HS3ST4: variants seen among roughly 807,000 people sequenced by gnomAD.
The protein encoded by HS3ST4 is heparan sulfate-glucosamine 3-sulfotransferase 4.
A neutral mutation model predicts 29.2 loss-of-function variants in HS3ST4; 17 were observed. The ratio of observed to expected loss-of-function variants is 0.58; its 90% confidence interval spans 0.40 to 0.87. The LOEUF is 0.87. Ranked by LOEUF, HS3ST4 falls within the 40% of genes least tolerant of loss-of-function variation. The pLI is 0.00. For synonymous variants in HS3ST4, 314 were observed against 285.7 expected (o/e 1.10, Z -1.00); for missense variants, 627 against 634.5 (o/e 0.99, Z 0.13).
At chr16:25,745,452 G>A (rs1435203433) in intron 1 of HS3ST4, among the ~76,000 whole-genome samples, 1 of 152,164 alleles carries the variant, frequency 6.6e-6, no homozygotes, top group Non-Finnish European at 1.5e-5. Flanking sequence ...GACCATCCTT[G>A]TTAGATTTGC....
intron 1 of HS3ST4, among the ~76,000 whole-genome samples, chr16:25,961,179 A>C (rs1968789710): frequency 6.6e-6 from 1 of 152,336 alleles, no homozygotes; most frequent in Admixed American, 6.5e-5. Context: ...TACGGTAGCC[A>C]CAACCAACAG....
chr16:25,986,906 T>C (rs368968154), intron 1 of HS3ST4, among the ~76,000 whole-genome samples: 1 of 152,256 alleles, frequency 6.6e-6, no homozygotes, highest in Non-Finnish European at 1.5e-5. Context: ...GGCTTGGCAA[T>C]TACATTTCAT....
intron 1 of HS3ST4, among the ~76,000 whole-genome samples, chr16:26,107,654 C>T (rs1206930034): frequency 6.6e-6 from 1 of 152,170 alleles, no homozygotes; most frequent in Non-Finnish European, 1.5e-5. Context: ...TTTGGTTTTC[C>T]ATTCTTCAGT....
At chr16:25,767,734 G>A (rs1204731296) in intron 1 of HS3ST4, among the ~76,000 whole-genome samples, 1 of 152,160 alleles carries the variant, frequency 6.6e-6, no homozygotes, top group Non-Finnish European at 1.5e-5. Context: ...ACTCAGCCAT[G>A]TCTGGCACAT....
intron 1 of HS3ST4, among the ~76,000 whole-genome samples, chr16:25,958,884 A>C (rs1308995360): frequency 6.6e-6 from 1 of 152,192 alleles, no homozygotes; most frequent in African/African-American, 2.4e-5. Context: ...ACAAAAGCAG[A>C]TGGTGCCAAG....
intron 1 of HS3ST4, among the ~76,000 whole-genome samples, chr16:25,709,338 G>C (rs542730007): frequency 6.6e-6 from 1 of 152,232 alleles, no homozygotes; most frequent in Admixed American, 6.5e-5. Flanking sequence ...TCCATCAAGC[G>C]GTTTCTGTTG....
rs144133358 is a variant in HS3ST4, at chr16:26,034,785, A to G, written c.735-100827A>G. 2.5e-3 allele frequency among the ~76,000 whole-genome samples: 385 copies of G among 152,250 alleles called. 3 individuals carry two copies. The highest frequency in any genetic ancestry group is 8.9e-3 in the African/African-American group (371 of 41,538). On this transcript the variant is annotated intron_variant, in intron 1 of 1. Coordinates refer to ENST00000331351, the MANE Select transcript of HS3ST4 (RefSeq NM_006040.3). ...TGAGTTCAAGACCAGCCTGGGCAAC[A>G]TAGCAAGACTCCATAACTACAAACA...
At chr16:25,768,936 A>T (rs1966837885) in intron 1 of HS3ST4, among the ~76,000 whole-genome samples, 1 of 152,074 alleles carries the variant, frequency 6.6e-6, no homozygotes, top group Non-Finnish European at 1.5e-5. Context: ...GGAGCTCTCT[A>T]GTTTGCCATA....
At chr16:25,902,941 AT>A (rs1968133567) in intron 1 of HS3ST4, among the ~76,000 whole-genome samples, 1 of 151,804 alleles carries the variant, frequency 6.6e-6, no homozygotes, top group Non-Finnish European at 1.5e-5. Context: ...ATACAAAAAA[AT>A]ACAAAAATTG....
At chr16:26,079,277 C>T (rs1898700010) in intron 1 of HS3ST4, among the ~76,000 whole-genome samples, 1 of 152,180 alleles carries the variant, frequency 6.6e-6, no homozygotes. Flanking sequence ...TTATAGAAGC[C>T]ACAGGGGGCT....
chr16:25,961,365 A>C (rs1009471503), intron 1 of HS3ST4, among the ~76,000 whole-genome samples: 4 of 152,298 alleles, frequency 2.6e-5, no homozygotes, highest in African/African-American at 9.6e-5. Context: ...ACCTTATTGC[A>C]TCTTTGGCAT....
At chr16:25,829,345 C>T (rs1967270488) in intron 1 of HS3ST4, among the ~76,000 whole-genome samples, 1 of 152,194 alleles carries the variant, frequency 6.6e-6, no homozygotes, top group Non-Finnish European at 1.5e-5. Flanking sequence ...TCATTTCTAT[C>T]AGGGCAGAGT....
chr16:26,118,585 A>G (rs1377376891), intron 1 of HS3ST4, among the ~76,000 whole-genome samples: 3 of 152,288 alleles, frequency 2.0e-5, no homozygotes, highest in South Asian at 2.1e-4. Context: ...CCTTAATTTT[A>G]TTCAATTTTA....
At chr16:25,841,775 C>T (rs539597395) in intron 1 of HS3ST4, among the ~76,000 whole-genome samples, 29 of 152,220 alleles carry the variant, frequency 1.9e-4, no homozygotes, top group African/African-American at 5.8e-4. Context: ...CTAGAACCTG[C>T]GTCTGTGGGT....
intron 1 of HS3ST4, among the ~76,000 whole-genome samples, chr16:25,771,941 C>T (rs1328342981): frequency 6.6e-6 from 1 of 152,102 alleles, no homozygotes. Context: ...CTTCTGGTTC[C>T]AAACAGCATT....
At chr16:25,776,964 C>T (rs1017603014) in intron 1 of HS3ST4, among the ~76,000 whole-genome samples, 5 of 152,148 alleles carry the variant, frequency 3.3e-5, no homozygotes, top group African/African-American at 9.7e-5. Context: ...AGAGATATCC[C>T]CAATATGCAT....
chr16:26,008,882 C>T (rs1318774020), intron 1 of HS3ST4, among the ~76,000 whole-genome samples: 3 of 152,174 alleles, frequency 2.0e-5, no homozygotes, highest in African/African-American at 4.8e-5. Context: ...CATGTCTTCA[C>T]TCCTTCACTA....
intron 1 of HS3ST4, among the ~76,000 whole-genome samples, chr16:25,828,258 T>G (rs186041148): frequency 0.067 from 5,715 of 85,328 alleles, 306 homozygotes; most frequent in African/African-American, 0.11. Context: ...CTTTCTTTCT[T>G]TCTTTCTTTC....
chr16:26,124,909 T>G (rs1899322539), intron 1 of HS3ST4, among the ~76,000 whole-genome samples: 1 of 152,222 alleles, frequency 6.6e-6, no homozygotes, highest in African/African-American at 2.4e-5. Context: ...GCTTTTCTCT[T>G]TTCTTATTTT....
Sources: allele counts gnomAD v4.1 joint callset (sites outside exome capture counted in the v4.1 genomes callset), GRCh38; gene constraint gnomAD v4.1.1; transcripts MANE v1.5; gene names NCBI Gene and HGNC (gene_info 2026-07-23, HGNC 2026-07-21).